Variants in ZNF730 observed in about 807,000 individuals in gnomAD.
ZNF730 encodes the protein putative zinc finger protein 730.
A neutral mutation model predicts 12.6 loss-of-function variants in ZNF730; 12 were observed. The observed-to-expected ratio is 0.95, with a 90% CI of 0.61 to 1.54. The LOEUF is 1.54. ZNF730 is among the 40% of genes most tolerant of loss of function. The probability of loss-of-function intolerance (pLI) is 0.00; values close to 1 mark genes in which losing one functional copy is unlikely to be tolerated. For synonymous variants in ZNF730, 194 were observed against 195.8 expected (o/e 0.99, Z 0.08); for missense variants, 643 against 583.5 (o/e 1.10, Z -1.05).
At chr19:23,129,948 C>T (rs983921559) in intron 1 of ZNF730, among the ~76,000 whole-genome samples, 3 of 147,076 alleles carry the variant, frequency 2.0e-5, no homozygotes, top group Admixed American at 6.9e-5. Context: ...GAGCCAAGAT[C>T]GTGCCACTGC....
Position 23,145,452 on chromosome 19 carries a change from T to C in ZNF730, c.408T>C (p.Cys136=). 6.4e-7 allele frequency: 1 copy of C among 1,573,132 alleles called. No homozygotes were observed. The highest frequency in any genetic ancestry group is 1.2e-5 in the South Asian group (1 of 85,676). Residue 136 remains cysteine, a synonymous_variant, in exon 4 of 4, where the codon TGT becomes TGC. Coordinates refer to ENST00000597761, the MANE Select transcript of ZNF730 (RefSeq NM_001277403.2). ...AAGGTTATAATAGACATAACCAGTG[T>C]TTGACAACTTCCCATAGCAAAATAT... ...HKKGYNRHNQ[C]LTTSHSKIFQ... is the part of the protein sequence containing the mutation.
intron 1 of ZNF730, among the ~76,000 whole-genome samples, chr19:23,103,769 A>G (rs1393457924): frequency 6.6e-6 from 1 of 152,178 alleles, no homozygotes; most frequent in Non-Finnish European, 1.5e-5. Flanking sequence ...ATTCTAATAT[A>G]TGGTATCAAT....
At chr19:23,090,501 A>G (rs553262925) in intron 1 of ZNF730, among the ~76,000 whole-genome samples, 1 of 152,258 alleles carries the variant, frequency 6.6e-6, no homozygotes, top group South Asian at 2.1e-4. Flanking sequence ...CAGAACATAA[A>G]AGTTCAGAAA....
Position 23,081,571 on chromosome 19 carries a change from C to T in ZNF730, c.-94+6184C>T, listed in dbSNP as rs565180579. 2.0e-4 allele frequency among the ~76,000 whole-genome samples: 30 copies of T among 152,148 alleles called. 1 individual carries two copies. Among genetic ancestry groups the T allele is most frequent in the Non-Finnish European group, 4.1e-4 (28 of 68,034 alleles). ...CTGACCCCAGGTGATCCACCCGCCTCGGCTTCTCAAAGTGCTGGGACTACA... is the reference window on the plus strand; with the variant it reads ...CTGACCCCAGGTGATCCACCCGCCTTGGCTTCTCAAAGTGCTGGGACTACA... On this transcript the variant is annotated intron_variant, in intron 1 of 2. Coordinates refer to the ZNF730 transcript ENST00000593635.
chr19:23,100,809 C>T (rs150628746), intron 1 of ZNF730, among the ~76,000 whole-genome samples: 1,797 of 152,036 alleles, frequency 0.012, 17 homozygotes, highest in Middle Eastern at 0.027. Flanking sequence ...GCACCCGCCA[C>T]CAAGCCCAGC....
At chr19:23,130,851 C>T (rs551390599) in intron 1 of ZNF730, among the ~76,000 whole-genome samples, 186 of 152,168 alleles carry the variant, frequency 1.2e-3, no homozygotes, top group Middle Eastern at 6.8e-3. Flanking sequence ...CCACTCCCTG[C>T]CCCAGTTCTG....
intron 1 of ZNF730, among the ~76,000 whole-genome samples, chr19:23,108,059 G>GC (rs998912216): frequency 2.0e-5 from 3 of 152,208 alleles, no homozygotes; most frequent in African/African-American, 4.8e-5. Flanking sequence ...AAAACCAACA[G>GC]CAAGGTTGGT....
upstream of ZNF730, among the ~76,000 whole-genome samples, chr19:23,116,696 C>T (rs1970530861): frequency 6.6e-6 from 1 of 151,406 alleles, no homozygotes; most frequent in Admixed American, 6.6e-5. Flanking sequence ...GCTGGGATTA[C>T]AGGCGTGAGC....
Position 23,145,577 on chromosome 19 carries a change from G to C in ZNF730, c.533G>C (p.Cys178Ser). The C allele has an allele frequency of 1.3e-6, 2 of 1,544,302 alleles. No homozygotes were observed. Among genetic ancestry groups the C allele is most frequent in the South Asian group, 2.4e-5 (2 of 81,908 alleles). Residue 178 changes from cysteine to serine, a missense_variant, in exon 4 of 4, where the codon TGT (cysteine) becomes TCT (serine). Physicochemically the swap from Cys to Ser is moderately radical, Grantham distance 112 (BLOSUM62 -1). Coordinates refer to ENST00000597761, the MANE Select transcript of ZNF730 (RefSeq NM_001277403.2). Reference protein sequence around the residue: ...TSKKPFKCKECGKLFCILSHL... With the variant: ...TSKKPFKCKESGKLFCILSHL... ...AAGAAACCTTTCAAATGTAAAGAAT[G>C]TGGAAAATTATTTTGCATTCTTTCA... is the stretch of plus-strand genomic sequence containing the variant.
chr19:23,108,641 GA>G (rs574232993), intron 1 of ZNF730, among the ~76,000 whole-genome samples: 1 of 152,162 alleles, frequency 6.6e-6, no homozygotes, highest in Non-Finnish European at 1.5e-5. Context: ...AGTAAGTGTT[GA>G]AAATCATAAA....
At chr19:23,128,143 GT>G (rs2145636252) in intron 1 of ZNF730, 34 of 910,484 alleles carry the variant, frequency 3.7e-5, no homozygotes, top group Non-Finnish European at 5.8e-5. Flanking sequence ...TGGCAATAAA[GT>G]TTTTGGTTCC....
rs188318613 is a variant in ZNF730, at chr19:23,103,778, A to G, written c.-94+28391A>G. ...TCTAAAATTCTAATATATGGTATCA[A>G]TGGTAATTAAGGTTGTTATGTTAAG... On this transcript the variant is annotated intron_variant, in intron 1 of 2. Coordinates refer to the ZNF730 transcript ENST00000593635. Among the ~76,000 whole-genome samples, 192 of 152,314 alleles carry G rather than the reference A, an allele frequency of 1.3e-3. 3 individuals carry two copies. In the Middle Eastern group the frequency reaches 0.034, roughly 27 times the overall value.
intron 1 of ZNF730, among the ~76,000 whole-genome samples, chr19:23,125,384 C>T (rs1345948898): frequency 6.6e-6 from 1 of 152,090 alleles, no homozygotes; most frequent in Admixed American, 6.6e-5. Context: ...GTGGAACTCC[C>T]TAGAAACTTG....
At chr19:23,114,526 T>C (rs554355265), upstream of ZNF730, among the ~76,000 whole-genome samples, 2,102 of 151,020 alleles carry the variant, frequency 0.014, 33 homozygotes, top group Admixed American at 0.021. Flanking sequence ...TTATTTATTT[T>C]TATTTTTAGT....
At chr19:23,083,411 G>T (rs1021704032) in intron 1 of ZNF730, among the ~76,000 whole-genome samples, 1 of 152,072 alleles carries the variant, frequency 6.6e-6, no homozygotes, top group Non-Finnish European at 1.5e-5. Context: ...GGGACACAGC[G>T]AGACTCCATC....
rs901405086 is a variant in ZNF730, at chr19:23,135,932, A to AT, written c.131-11dup. 1 of 1,601,176 alleles carries AT rather than the reference A, an allele frequency of 6.2e-7. No individual in the cohort carries two copies. Among genetic ancestry groups the AT allele is most frequent in the Non-Finnish European group, 8.5e-7 (1 of 1,171,448 alleles). ...GGAGAATATGAGCAAGATTCATGTT[A>AT]TTTTTCATAAAACAGGTATTGCTGT... is the stretch of plus-strand genomic sequence containing the variant. On this transcript the variant is annotated splice_polypyrimidine_tract_variant and intron_variant, in intron 2 of 3. Transcript: ENST00000597761.
chr19:23,084,795 T>C (rs942570656), intron 1 of ZNF730, among the ~76,000 whole-genome samples: 1 of 147,136 alleles, frequency 6.8e-6, no homozygotes. Context: ...CATGATCTCA[T>C]TCTTTTTTAT....
In ZNF730 at chr19:23,140,438, C is replaced by G. The variant is rs533323507; in HGVS notation, c.226+4395C>G. On this transcript the variant is annotated intron_variant, in intron 3 of 3. Transcript: ENST00000597761. ...CAGCCTGGCCAACATGGTGAGACCC[C>G]ATCTCTACTGAAAACACAAAAAATT... is the stretch of plus-strand genomic sequence containing the variant. Among the ~76,000 whole-genome samples, 19 of 150,322 alleles carry G rather than the reference C, an allele frequency of 1.3e-4. No homozygotes were observed. In the East Asian group the frequency reaches 3.8e-3, roughly 30 times the overall value.
In ZNF730 at chr19:23,136,033, C is replaced by T. The variant is rs1970827678; in HGVS notation, c.216C>T (p.Ala72=). Residue 72 remains alanine, a synonymous_variant, in exon 3 of 4, where the codon GCC becomes GCT. Coordinates refer to ENST00000597761, the MANE Select transcript of ZNF730 (RefSeq NM_001277403.2). ...PWNLKTHDMV[A]KPPVICSHIA... ...ATTTGAAGACACATGATATGGTAGCCAAACCCCCAGGTAGGTGACAGTAAA... is the reference window on the plus strand; with the variant it reads ...ATTTGAAGACACATGATATGGTAGCTAAACCCCCAGGTAGGTGACAGTAAA... The T allele has an allele frequency of 6.3e-7, 1 of 1,599,098 alleles. No homozygotes were observed. The highest frequency in any genetic ancestry group is 8.5e-7 in the Non-Finnish European group (1 of 1,172,628).
Sources: gnomAD v4.1 joint callset for allele counts (sites outside exome capture counted in the v4.1 genomes callset) on GRCh38, gnomAD v4.1.1 for gene constraint, MANE v1.5 for transcripts, NCBI Gene and HGNC (gene_info 2026-07-23, HGNC 2026-07-21) for gene names.